The following FGF13 variants were observed in gnomAD, a reference collection of about 807,000 sequenced individuals.
FGF13 encodes fibroblast growth factor homologous factor 2.
Under a neutral mutation model 19.5 loss-of-function variants are expected in FGF13, and 2 were observed. The ratio of observed to expected loss-of-function variants is 0.10; its 90% CI spans 0.04 to 0.32. FGF13 has a LOEUF of 0.32. FGF13 is among the 10% of genes least tolerant of loss of function. FGF13 has a pLI of 1.00. For missense variants in FGF13, 113 were observed against 192.7 expected (o/e 0.59, Z 2.45); for synonymous variants, 72 against 76.9 (o/e 0.94, Z 0.33).
intron 1 of FGF13, among the ~76,000 whole-genome samples, chrX:138,899,254 T>C (rs759006923): frequency 1.8e-5 from 2 of 111,518 alleles, no homozygotes; most frequent in South Asian, 7.7e-4. Context: ...GGCTATAGGC[T>C]AAGGTTGATA....
chrX:138,657,432 T>C (rs1257352631), intron 3 of FGF13, among the ~76,000 whole-genome samples: 1 of 112,037 alleles, frequency 8.9e-6, no homozygotes, highest in African/African-American at 3.2e-5. Context: ...TGACTTCCTA[T>C]AGACACAAGC....
chrX:139,009,119 G>T (rs1469529381), intron 1 of FGF13, among the ~76,000 whole-genome samples: 1 of 111,699 alleles, frequency 9.0e-6, no homozygotes, highest in Non-Finnish European at 1.9e-5. Flanking sequence ...AAAGAAAAAA[G>T]AATTTTAAAA....
chrX:139,204,021 A>G (rs764016430), upstream of FGF13: 6 of 1,196,682 alleles, frequency 5.0e-6, no homozygotes, highest in East Asian at 1.8e-4. Flanking sequence ...AGGGAAACGA[A>G]GGAAAGGAAA....
chrX:139,171,200 C>T (rs2084129643), intron 1 of FGF13, among the ~76,000 whole-genome samples: 1 of 111,299 alleles, frequency 9.0e-6, no homozygotes, highest in South Asian at 3.7e-4. Flanking sequence ...TTAGTGTCCC[C>T]AGAGCTGACA....
chrX:138,999,403 T>G (rs1341602411), intron 1 of FGF13, among the ~76,000 whole-genome samples: 2 of 111,371 alleles, frequency 1.8e-5, no homozygotes, highest in African/African-American at 3.3e-5. Context: ...AGGAGCTGGT[T>G]TTTGGAAAAG....
chrX:138,873,857 C>T (rs927425927), intron 1 of FGF13, among the ~76,000 whole-genome samples: 1 of 109,727 alleles, frequency 9.1e-6, no homozygotes, highest in African/African-American at 3.3e-5. Flanking sequence ...TTTGTAGGGA[C>T]GTGGATGAAA....
chrX:138,900,011 C>T (rs2091523961), intron 1 of FGF13, among the ~76,000 whole-genome samples: 1 of 110,162 alleles, frequency 9.1e-6, no homozygotes, highest in Admixed American at 9.7e-5. Flanking sequence ...GAAAGGAGCT[C>T]GGTTTTGGAG....
chrX:138,822,847 G>A (rs1402610524), intron 3 of FGF13, among the ~76,000 whole-genome samples: 2 of 112,232 alleles, frequency 1.8e-5, no homozygotes, highest in Admixed American at 9.4e-5. Context: ...CTAGGCAGTG[G>A]AGATACCAAG....
chrX:139,119,625 G>C lies in FGF13; in HGVS notation c.-113+83791C>G, dbSNP rs371285686. On this transcript the variant is annotated intron_variant, in intron 1 of 2. Coordinates refer to the FGF13 transcript ENST00000421460. ...CTGCCTGCTCTGTGATGCCTCTCTT[G>C]AGTTCCCAGCTCTCTGAGCTCCCTT... Among the ~76,000 whole-genome samples the C allele has an allele frequency of 8.0e-4, 89 of 111,789 alleles. 1 individual carries two copies. The East Asian group carries it at 0.011, about 14-fold the overall frequency.
intron 3 of FGF13, among the ~76,000 whole-genome samples, chrX:138,823,942 C>A (rs2091016447): frequency 8.9e-6 from 1 of 111,768 alleles, no homozygotes; most frequent in Non-Finnish European, 1.9e-5. Context: ...ATGTCCTATC[C>A]CTGCCAATTA....
intron 1 of FGF13, among the ~76,000 whole-genome samples, chrX:139,099,655 C>CAA (rs2083495173): frequency 9.0e-6 from 1 of 110,827 alleles, no homozygotes; most frequent in Non-Finnish European, 1.9e-5. Flanking sequence ...AAGGGTATAT[C>CAA]AAAGTCTGCT....
intron 3 of FGF13, among the ~76,000 whole-genome samples, chrX:138,769,996 A>G (rs2090532977): frequency 8.9e-6 from 1 of 112,195 alleles, no homozygotes. Flanking sequence ...TTCAAAAATA[A>G]TAGATTTTAG....
intron 1 of FGF13, among the ~76,000 whole-genome samples, chrX:138,924,511 T>C (rs914465025): frequency 2.7e-5 from 3 of 112,007 alleles, no homozygotes; most frequent in African/African-American, 9.7e-5. Context: ...CAAGGACATA[T>C]AGATATGCAA....
At chrX:138,784,170 T>G (rs1431972241) in intron 3 of FGF13, among the ~76,000 whole-genome samples, 2 of 46,131 alleles carry the variant, frequency 4.3e-5, no homozygotes, top group African/African-American at 8.6e-5. Context: ...TGTTGTGGGG[T>G]GGGGGGAGGG....
At chrX:139,155,144 T>C (rs1019165363) in intron 1 of FGF13, among the ~76,000 whole-genome samples, 4 of 111,721 alleles carry the variant, frequency 3.6e-5, no homozygotes, top group African/African-American at 9.8e-5. Flanking sequence ...CAGGAGCACA[T>C]ATACAGGCCA....
chrX:138,814,164 C>G (rs1416781624), intron 3 of FGF13, among the ~76,000 whole-genome samples: 2 of 109,899 alleles, frequency 1.8e-5, no homozygotes, highest in East Asian at 5.7e-4. Flanking sequence ...TAAATTAATT[C>G]ATAAATTTAA....
chrX:139,194,876 G>C (rs372381180), intron 1 of FGF13, among the ~76,000 whole-genome samples: 2 of 111,892 alleles, frequency 1.8e-5, no homozygotes, highest in African/African-American at 6.5e-5. Flanking sequence ...CCGGGCCCGC[G>C]GTTCCCTTTG....
Position 138,987,730 on chromosome X carries a change from G to T in FGF13, c.-112-123080C>A, listed in dbSNP as rs190511799. ...GAACTCATATTGGAAATTTCTTAGG[G>T]ATCATGGTGAAGTTAACATTTGTTT... On this transcript the variant is annotated intron_variant, in intron 1 of 2. Transcript: ENST00000421460. Among the ~76,000 whole-genome samples the T allele has an allele frequency of 1.5e-4, 17 of 111,911 alleles. No homozygotes were observed. The East Asian group carries it at 4.5e-3, about 30-fold the overall frequency.
chrX:138,957,826 G>C lies in FGF13; in HGVS notation c.-112-93176C>G, dbSNP rs144804079. On this transcript the variant is annotated intron_variant, in intron 1 of 2. Transcript: ENST00000421460. ...TGATTTGGCTCTCTGTCTGTTATAAGAATGCTTGTGTGTGTATAAGAATGC... is the reference window on the plus strand; with the variant it reads ...TGATTTGGCTCTCTGTCTGTTATAACAATGCTTGTGTGTGTATAAGAATGC... 5.6e-3 allele frequency among the ~76,000 whole-genome samples: 621 copies of C among 111,424 alleles called. 2 individuals are homozygous for C. The highest frequency in any genetic ancestry group is 9.3e-3 in the Middle Eastern group (2 of 215).
Sources: allele counts gnomAD v4.1 joint callset (sites outside exome capture counted in the v4.1 genomes callset), GRCh38; gene constraint gnomAD v4.1.1; transcripts MANE v1.5; gene names NCBI Gene and HGNC (gene_info 2026-07-23, HGNC 2026-07-21).